Variants in LYST observed in about 807,000 individuals in gnomAD.
The protein encoded by LYST is lysosomal-trafficking regulator.
Under a neutral mutation model 413.6 loss-of-function variants are expected in LYST, and 192 were observed. The observed-to-expected ratio is 0.46, with a 90% CI of 0.41 to 0.52. The LOEUF (loss-of-function observed/expected upper bound fraction) is 0.52, where lower values mean the gene tolerates loss of function less well. Ranked by LOEUF, LYST falls within the 20% of genes least tolerant of loss-of-function variation. LYST has a pLI of 0.00. For synonymous variants in LYST, 1,525 were observed against 1,567.3 expected (o/e 0.97, Z 0.64); for missense variants, 3,815 against 4,499.9 (o/e 0.85, Z 4.35).
At chr1:235,779,054 A>G (rs927733841) in intron 16 of LYST, among the ~76,000 whole-genome samples, 5 of 151,640 alleles carry the variant, frequency 3.3e-5, no homozygotes, top group Admixed American at 3.3e-4. Context: ...TTTAGTAGAG[A>G]CAGGGTTTCA....
intron 28 of LYST, among the ~76,000 whole-genome samples, chr1:235,749,009 C>T (rs1666197306): frequency 2.4e-5 from 2 of 82,458 alleles, no homozygotes; most frequent in South Asian, 5.9e-4. Context: ...TTTAGGAATC[C>T]CCCCTACCAC....
intron 50 of LYST, among the ~76,000 whole-genome samples, chr1:235,668,199 T>C (rs1055127493): frequency 1.6e-4 from 24 of 151,256 alleles, no homozygotes; most frequent in Non-Finnish European, 2.2e-4. Context: ...TATACATACA[T>C]AGACATATAT....
At chr1:235,784,115 A>G (rs1009874587) in intron 14 of LYST, among the ~76,000 whole-genome samples, 1 of 152,122 alleles carries the variant, frequency 6.6e-6, no homozygotes, top group South Asian at 2.1e-4. Flanking sequence ...CCCGTGCTCA[A>G]GCAATCCTTC....
chr1:235,840,706 T>C (rs1363799935), intron 1 of LYST, among the ~76,000 whole-genome samples: 1 of 152,150 alleles, frequency 6.6e-6, no homozygotes, highest in Non-Finnish European at 1.5e-5. Context: ...CTTGAACACA[T>C]AGGTCATTCT....
chr1:235,731,489 C>T (rs1558162994), intron 34 of LYST, among the ~76,000 whole-genome samples: 1 of 151,648 alleles, frequency 6.6e-6, no homozygotes, highest in Non-Finnish European at 1.5e-5. Context: ...CATAATACAA[C>T]ATGCTGGATT....
intron 1 of LYST, among the ~76,000 whole-genome samples, chr1:235,834,024 G>T (rs1406115627): frequency 6.6e-6 from 1 of 152,122 alleles, no homozygotes; most frequent in East Asian, 1.9e-4. Flanking sequence ...CGACAAAAAG[G>T]TTTTCAACTC....
intron 44 of LYST, among the ~76,000 whole-genome samples, chr1:235,703,374 T>C (rs987833865): frequency 6.6e-6 from 1 of 152,190 alleles, no homozygotes; most frequent in South Asian, 2.1e-4. Flanking sequence ...CTAATCAATA[T>C]TGGGGATAAA....
At chr1:235,873,849 A>G (rs1558372270) in intron 1 of LYST, among the ~76,000 whole-genome samples, 1 of 152,244 alleles carries the variant, frequency 6.6e-6, no homozygotes, top group Non-Finnish European at 1.5e-5. Flanking sequence ...AAACATTATC[A>G]TTTGAAATAC....
At chr1:235,710,804 C>G (rs1254834885) in intron 43 of LYST, among the ~76,000 whole-genome samples, 1 of 152,206 alleles carries the variant, frequency 6.6e-6, no homozygotes, top group Non-Finnish European at 1.5e-5. Flanking sequence ...CTGTTCGTCT[C>G]CCTCTTGGAA....
At chr1:235,666,048 A>G (rs1558095340) in intron 50 of LYST, among the ~76,000 whole-genome samples, 1 of 152,210 alleles carries the variant, frequency 6.6e-6, no homozygotes. Flanking sequence ...AAAATATTTC[A>G]TATTTTATAG....
At chr1:235,853,920 G>A (rs1678856641) in intron 1 of LYST, among the ~76,000 whole-genome samples, 1 of 152,058 alleles carries the variant, frequency 6.6e-6, no homozygotes, top group South Asian at 2.1e-4. Flanking sequence ...CCTGTGTTTG[G>A]CCCTGAGCAC....
Position 235,758,968 on chromosome 1 carries a change from G to A in LYST, c.6881+4C>T, listed in dbSNP as rs771344080. On this transcript the variant is annotated splice_donor_region_variant and intron_variant, in intron 23 of 52. Coordinates refer to ENST00000389793, the MANE Select transcript of LYST (RefSeq NM_000081.4). ...GGGAGGAGTGTACAAAAACACATAA[G>A]TACCTGTGAGCACTTGCAGTTCGGT... is the stretch of plus-strand genomic sequence containing the variant. 1 of 1,613,850 alleles carries A rather than the reference G, an allele frequency of 6.2e-7. No homozygotes were observed. Among genetic ancestry groups the A allele is most frequent in the Non-Finnish European group, 8.5e-7 (1 of 1,179,864 alleles).
At chr1:235,843,313 A>G (rs922510786) in intron 1 of LYST, among the ~76,000 whole-genome samples, 2 of 152,148 alleles carry the variant, frequency 1.3e-5, no homozygotes, top group African/African-American at 4.8e-5. Flanking sequence ...TATTTTCACT[A>G]TTTATGAATC....
intron 1 of LYST, among the ~76,000 whole-genome samples, chr1:235,874,875 T>C (rs1426969745): frequency 6.6e-6 from 1 of 152,124 alleles, no homozygotes; most frequent in South Asian, 2.1e-4. Flanking sequence ...GTGCATAAAA[T>C]CCGTGTGTCC....
At chr1:235,850,496 G>A (rs1323078913) in intron 1 of LYST, among the ~76,000 whole-genome samples, 3 of 152,070 alleles carry the variant, frequency 2.0e-5, no homozygotes, top group Non-Finnish European at 4.4e-5. Flanking sequence ...GAACCCAAAA[G>A]TAAATGCAAT....
chr1:235,814,573 C>T (rs1673831104), intron 3 of LYST, among the ~76,000 whole-genome samples: 1 of 152,124 alleles, frequency 6.6e-6, no homozygotes, highest in South Asian at 2.1e-4. Context: ...GTCAGCAGGG[C>T]CAAAGCTGTT....
intron 41 of LYST, among the ~76,000 whole-genome samples, 181 bp downstream of exon 41, chr1:235,716,531 T>C (rs978580810): frequency 6.6e-6 from 1 of 152,202 alleles, no homozygotes. Flanking sequence ...GGCAAAGTGT[T>C]CTCAGAAAAT....
intron 28 of LYST, among the ~76,000 whole-genome samples, chr1:235,748,087 T>C (rs1251152464): frequency 6.6e-6 from 1 of 152,166 alleles, no homozygotes; most frequent in African/African-American, 2.4e-5. Context: ...AAATAATGAA[T>C]ATAAAACATA....
Position 235,757,390 on chromosome 1 carries a change from A to G in LYST, c.6950T>C (p.Ile2317Thr). The G allele has an allele frequency of 6.2e-7, 1 of 1,613,706 alleles. No homozygotes were observed. Among genetic ancestry groups the G allele is most frequent in the Non-Finnish European group, 8.5e-7 (1 of 1,179,730 alleles). ...LYELLSGVLL[I>T]LPDVLLEDVM... ...ATCTTCAAGCAAAACATCAGGCAGG[A>G]TAAGAAGAACCCCACTTAGGAGTTC... The change falls in exon 24 of 53, where the codon ATC becomes ACC. Residue 2317 changes from isoleucine to threonine, a missense_variant. Coordinates refer to ENST00000389793, the MANE Select transcript of LYST (RefSeq NM_000081.4).
Sources: gnomAD v4.1 joint callset for allele counts (sites outside exome capture counted in the v4.1 genomes callset) on GRCh38, gnomAD v4.1.1 for gene constraint, MANE v1.5 for transcripts, NCBI Gene and HGNC (gene_info 2026-07-23, HGNC 2026-07-21) for gene names.